AMZ1: variants seen among roughly 807,000 people sequenced by gnomAD.
AMZ1 encodes the protein archaelysin family metallopeptidase 1.
A neutral mutation model predicts 29.9 loss-of-function variants in AMZ1; 39 were observed. That is an observed-to-expected ratio of 1.30 (90% CI 1.01 to 1.70). The LOEUF is 1.70. AMZ1 is among the 40% of genes most tolerant of loss of function. The pLI, the probability that AMZ1 is intolerant of heterozygous loss-of-function variation, is 0.00. For missense variants in AMZ1, 1,041 were observed against 680.6 expected (o/e 1.53, Z -5.89); for synonymous variants, 458 against 304.0 (o/e 1.51, Z -5.27).
At chr7:2,722,090 T>A (rs193247175), downstream of AMZ1, among the ~76,000 whole-genome samples, 110 of 152,138 alleles carry the variant, frequency 7.2e-4, no homozygotes, top group African/African-American at 2.6e-3. Flanking sequence ...CAGAAGGCCG[T>A]CCAACTGGTC....
chr7:2,754,582 TAAAAAAA>T (rs34822125), intron 4 of AMZ1, among the ~76,000 whole-genome samples: 1 of 143,520 alleles, frequency 7.0e-6, no homozygotes, highest in Non-Finnish European at 1.5e-5. Context: ...ATCTCTACTT[TAAAAAAA>T]AAAAAAAAAT....
downstream of AMZ1, among the ~76,000 whole-genome samples, chr7:2,721,193 G>C (rs1000677381): frequency 6.6e-6 from 1 of 152,212 alleles, no homozygotes; most frequent in Non-Finnish European, 1.5e-5. Context: ...GGGAGGGATG[G>C]AAAGGCCAGG....
upstream of AMZ1, among the ~76,000 whole-genome samples, chr7:2,763,856 C>G (rs1320515054): frequency 6.6e-6 from 1 of 152,208 alleles, no homozygotes; most frequent in Non-Finnish European, 1.5e-5. Flanking sequence ...GCCTCCATGG[C>G]TGGCAGAGAG....
Position 2,713,069 on chromosome 7 carries a change from C to T in AMZ1, c.*191C>T. On this transcript the variant is annotated 3_prime_UTR_variant, in exon 7 of 7. Transcript: ENST00000683327. ...ACTGGGCAACATGGTGAGACTCTGCCTCTACAAAAGAAAAATTAAAAAATT... is the reference window on the plus strand; with the variant it reads ...ACTGGGCAACATGGTGAGACTCTGCTTCTACAAAAGAAAAATTAAAAAATT... The T allele has an allele frequency of 1.9e-6, 1 of 529,464 alleles. No homozygotes were observed. The highest frequency in any genetic ancestry group is 7.1e-5 in the South Asian group (1 of 14,150). 32.8% of individuals were successfully genotyped at this position (529,464 alleles called of 1,614,324 possible).
intron 4 of AMZ1, among the ~76,000 whole-genome samples, chr7:2,743,208 C>G (rs1790597994): frequency 6.6e-6 from 1 of 152,178 alleles, no homozygotes; most frequent in Non-Finnish European, 1.5e-5. Context: ...TGAAAGGGGT[C>G]TCTGCTGTGA....
intron 1 of AMZ1, among the ~76,000 whole-genome samples, chr7:2,695,748 T>C (rs930183377): frequency 3.3e-5 from 5 of 150,726 alleles, no homozygotes; most frequent in African/African-American, 1.2e-4. Context: ...CAGTGGCTCA[T>C]GCCTATAATC....
rs1788637775 is a variant in AMZ1 at position 2,709,735 on chromosome 7, G to A, written c.867G>A (p.Leu289=). Residue 289 remains leucine, a synonymous_variant, in exon 6 of 7, where the codon CTG becomes CTA. Coordinates refer to ENST00000683327, the MANE Select transcript of AMZ1 (RefSeq NM_001384743.1). ...GTGCGCTCAGCCTGGACGAGGCCCT[G>A]CGGCGGCCCCTGGACCTCTGTCCCA... ...MQGALSLDEA[L]RRPLDLCPIC... The A allele has an allele frequency of 6.2e-7, 1 of 1,611,374 alleles. No individual in the cohort carries two copies. Among genetic ancestry groups the A allele is most frequent in the East Asian group, 2.2e-5 (1 of 44,896 alleles).
At chr7:2,695,956 C>T (rs1787691514) in intron 1 of AMZ1, among the ~76,000 whole-genome samples, 1 of 146,532 alleles carries the variant, frequency 6.8e-6, no homozygotes, top group Admixed American at 6.9e-5. Context: ...TTGCAGTGAG[C>T]TGAGATAGTG....
At chr7:2,683,415 GTTTT>G (rs547372448), upstream of AMZ1, among the ~76,000 whole-genome samples, 11 of 151,844 alleles carry the variant, frequency 7.2e-5, no homozygotes, top group Admixed American at 1.3e-4. Context: ...TCAACTTTCT[GTTTT>G]TTTGTTTGTT....
At chr7:2,757,003 G>A (rs1215469107) in intron 4 of AMZ1, among the ~76,000 whole-genome samples, 2 of 152,146 alleles carry the variant, frequency 1.3e-5, no homozygotes, top group Non-Finnish European at 2.9e-5. Context: ...GAGCTGGGGA[G>A]TTCGAGGCTG....
At chr7:2,706,085 C>A (rs1215414449) in intron 3 of AMZ1, among the ~76,000 whole-genome samples, 1 of 152,212 alleles carries the variant, frequency 6.6e-6, no homozygotes, top group African/African-American at 2.4e-5. Context: ...CGGGGGAGCC[C>A]TCGGGAAAAG....
chr7:2,693,242 C>A (rs368713547), intron 1 of AMZ1, among the ~76,000 whole-genome samples: 1 of 152,220 alleles, frequency 6.6e-6, no homozygotes, highest in East Asian at 1.9e-4. Flanking sequence ...GCATGCGCCA[C>A]CACGCCCAGC....
At chr7:2,764,363 G>A (rs151086028), upstream of AMZ1, among the ~76,000 whole-genome samples, 53 of 151,992 alleles carry the variant, frequency 3.5e-4, no homozygotes, top group African/African-American at 1.2e-3. Flanking sequence ...GATTCCAGGC[G>A]TGTGCTCCCG....
In AMZ1 at chr7:2,715,127, T is replaced by TC. The variant is rs1789044344; in HGVS notation, c.*2250dup. ...CCTCCTAAGGTGGACATCGGGAGGGTCAGATGGAAGCTCTGTGGCCTTTCC... is the reference window on the plus strand; with the variant it reads ...CCTCCTAAGGTGGACATCGGGAGGGTCCAGATGGAAGCTCTGTGGCCTTTCC... On this transcript the variant is annotated 3_prime_UTR_variant, in exon 7 of 7. Coordinates refer to ENST00000683327, the MANE Select transcript of AMZ1 (RefSeq NM_001384743.1). The TC allele has an allele frequency of 1.3e-5, 2 of 151,240 alleles. No homozygotes were observed. Among genetic ancestry groups the TC allele is most frequent in the Admixed American group, 1.3e-4 (2 of 15,206 alleles). 9.4% of individuals were successfully genotyped at this position (151,240 alleles called of 1,614,324 possible). A position where few individuals can be genotyped will look rare whatever the true frequency, so the allele number is the denominator to read the frequency against.
chr7:2,743,159 A>G (rs1790595234), intron 4 of AMZ1, among the ~76,000 whole-genome samples: 1 of 152,304 alleles, frequency 6.6e-6, no homozygotes, highest in South Asian at 2.1e-4. Flanking sequence ...TTTGCCTAAG[A>G]GCCTGGCTGG....
At chr7:2,696,395 T>G (rs1787734062) in intron 1 of AMZ1, among the ~76,000 whole-genome samples, 1 of 151,054 alleles carries the variant, frequency 6.6e-6, no homozygotes, top group South Asian at 2.1e-4. Context: ...TAGCTGGGAC[T>G]ACAGGCGCCC....
upstream of AMZ1, among the ~76,000 whole-genome samples, chr7:2,685,429 G>T (rs1486084538): frequency 1.3e-5 from 2 of 151,848 alleles, no homozygotes; most frequent in Non-Finnish European, 2.9e-5. Flanking sequence ...GAGGTGACGG[G>T]CACCTGTAAT....
intron 3 of AMZ1, among the ~76,000 whole-genome samples, chr7:2,704,615 A>C (rs12533772): frequency 1.3e-5 from 1 of 78,896 alleles, no homozygotes; most frequent in Non-Finnish European, 2.5e-5. Flanking sequence ...TTTTTTTTTT[A>C]AGACGGAGTC....
upstream of AMZ1, chr7:2,762,990 G>C: frequency 7.7e-7 from 1 of 1,304,768 alleles, no homozygotes; most frequent in Non-Finnish European, 9.7e-7. Flanking sequence ...GCCCTTGTGT[G>C]CTACTGTGGT....
Sources: gnomAD v4.1 joint callset for allele counts (sites outside exome capture counted in the v4.1 genomes callset) on GRCh38, gnomAD v4.1.1 for gene constraint, MANE v1.5 for transcripts, NCBI Gene and HGNC (gene_info 2026-07-23, HGNC 2026-07-21) for gene names.